Variants in UBE2Q1 observed in about 807,000 individuals in gnomAD.
UBE2Q1 encodes ubiquitin-conjugating enzyme E2 Q1.
In UBE2Q1, 6 loss-of-function variants were observed where a neutral mutation model predicts 60.1. The ratio of observed to expected loss-of-function variants is 0.10; its 90% CI spans 0.05 to 0.20. UBE2Q1 has a LOEUF of 0.20. Among genes scored for constraint, UBE2Q1 ranks in the 10% least tolerant of loss-of-function variants. UBE2Q1 has a pLI of 1.00. For missense variants in UBE2Q1, 262 were observed against 525.8 expected, an observed-to-expected ratio of 0.50 and a Z score of 4.91; for synonymous variants, 226 against 208.3, an observed-to-expected ratio of 1.09 and a Z score of -0.73.
At chr1:154,551,841 G>C (rs1355909886) in intron 9 of UBE2Q1, 22 bp from the exon 10 acceptor site, 1 of 1,614,074 alleles carries the variant, frequency 6.2e-7, no homozygotes, top group Non-Finnish European at 8.5e-7. Context: ...AGGTTAGTCA[G>C]CTGTGCCTGA....
At chr1:154,557,240 G>T (rs921933924) in intron 1 of UBE2Q1, among the ~76,000 whole-genome samples, 2 of 152,196 alleles carry the variant, frequency 1.3e-5, no homozygotes, top group African/African-American at 2.4e-5. Flanking sequence ...AGGCTACTCC[G>T]ATTAGGTCTG....
At chr1:154,551,863 A>G (rs1695795445) in intron 9 of UBE2Q1, 44 bp from the exon 10 acceptor site, 1 of 1,614,066 alleles carries the variant, frequency 6.2e-7, no homozygotes, top group African/African-American at 1.3e-5. Flanking sequence ...AAAATCTCCA[A>G]GTCTCTTCCC....
Position 154,551,482 on chromosome 1 carries a change from C to A in UBE2Q1, c.1085G>T (p.Ser362Ile). The change falls in exon 11 of 13, where the codon AGT (serine) becomes ATT (isoleucine). Residue 362 changes from serine (S) to isoleucine (I), a missense_variant. Physicochemically the swap from Ser to Ile is moderately radical, Grantham distance 142. Around this residue, in one of 5 missense-constraint regions of UBE2Q1, gnomAD observed 22 missense variants for 121.5 expected, o/e 0.18. Coordinates refer to ENST00000292211, the MANE Select transcript of UBE2Q1 (RefSeq NM_017582.7). ...MELLTKQGWSSAYSIESVIMQ... is the reference protein window; with the variant it reads ...MELLTKQGWSIAYSIESVIMQ... ...GATCACTGACTCTATGGAGTAGGCA[C>A]TGCTCCAGCCCTGGGTGAAGGGAAG... The A allele has an allele frequency of 6.2e-7, 1 of 1,614,172 alleles. No individual in the cohort carries two copies. Among genetic ancestry groups the A allele is most frequent in the Non-Finnish European group, 8.5e-7 (1 of 1,179,998 alleles).
At chr1:154,552,367 C>T (rs769040502) in intron 7 of UBE2Q1, 37 bp downstream of exon 7, 1 of 1,612,928 alleles carries the variant, frequency 6.2e-7, no homozygotes, top group Non-Finnish European at 8.5e-7. Flanking sequence ...TCACACTCCT[C>T]CTCAACTTCC....
At chr1:154,553,502 A>C in intron 4 of UBE2Q1, 1 of 216,564 alleles carries the variant, frequency 4.6e-6, no homozygotes, top group Non-Finnish European at 9.3e-6. Flanking sequence ...TTGGCAGCAG[A>C]AACTCTTCCC....
At chr1:154,553,690 C>A (rs757611365) in intron 4 of UBE2Q1, 1 of 154,818 alleles carries the variant, frequency 6.5e-6, no homozygotes, top group Non-Finnish European at 1.4e-5. Context: ...GAGGCACGCA[C>A]TGCCAGATGG....
intron 4 of UBE2Q1, 135 bp from the exon 5 acceptor site, chr1:154,553,307 T>C (rs1046575774): frequency 3.5e-6 from 4 of 1,152,562 alleles, no homozygotes; most frequent in African/African-American, 1.6e-5. Flanking sequence ...AGCAGTCTTA[T>C]AAACGCAACG....
In UBE2Q1 at chr1:154,558,353, G is replaced by A. The variant is rs775595854; in HGVS notation, c.201C>T (p.Asp67=). ...CCAGCAGGAACTCGCAGCTCAGCTC[G>A]TCCAGGCAGGCGCTGGCAATGCGGA... is the stretch of plus-strand genomic sequence containing the variant. ...ERFRIASACL[D]ELSCEFLLAG... Residue 67 remains aspartate (D), a synonymous_variant, in exon 1 of 13, where the codon GAC becomes GAT. Transcript: ENST00000292211. The A allele has an allele frequency of 5.1e-6, 8 of 1,561,268 alleles. No homozygotes were observed. The highest frequency in any genetic ancestry group is 1.4e-5 in the African/African-American group (1 of 72,772).
intron 4 of UBE2Q1, 34 bp downstream of exon 4, chr1:154,554,701 T>TTCC (rs1695851336): frequency 6.2e-7 from 1 of 1,610,588 alleles, no homozygotes; most frequent in Admixed American, 1.7e-5. Context: ...CTGCAAGAGC[T>TTCC]TCCAGCCAAT....
intron 4 of UBE2Q1, 143 bp downstream of exon 4, chr1:154,554,592 G>A: frequency 1.2e-6 from 1 of 860,274 alleles, no homozygotes; most frequent in Non-Finnish European, 1.8e-6. Flanking sequence ...TACTACACTG[G>A]CTATTCCTCC....
chr1:154,550,732 G>A (rs1362018463), intron 12 of UBE2Q1: 20 of 985,224 alleles, frequency 2.0e-5, no homozygotes, highest in Non-Finnish European at 2.4e-5. Flanking sequence ...CAAGTTTATC[G>A]GTGATACGAT....
Position 154,550,948 on chromosome 1 carries a change from G to A in UBE2Q1, c.1227C>T (p.His409=), listed in dbSNP as rs757728960. ...TGGCTCCAGCCTCACCGTTTTTTTC[G>A]TGGATCTGCACCAAGGACTTGTAGG... ...QQSYKSLVQI[H]EKNGWYTPPK... Residue 409 remains histidine, a synonymous_variant, in exon 12 of 13, where the codon CAC becomes CAT. Coordinates refer to ENST00000292211, the MANE Select transcript of UBE2Q1 (RefSeq NM_017582.7). 6 of 1,613,816 alleles carry A rather than the reference G, an allele frequency of 3.7e-6. No homozygotes were observed. The highest frequency in any genetic ancestry group is 1.7e-5 in the Admixed American group (1 of 59,986).
At chr1:154,551,558 C>T (rs2149361391) in intron 10 of UBE2Q1, 66 bp from the exon 11 acceptor site, 5 of 1,553,530 alleles carry the variant, frequency 3.2e-6, no homozygotes, top group Non-Finnish European at 4.4e-6. Context: ...TCATGCTTGT[C>T]CTCTGGGCAA....
chr1:154,557,994 G>A (rs937538111), intron 1 of UBE2Q1, among the ~76,000 whole-genome samples: 43 of 152,166 alleles, frequency 2.8e-4, no homozygotes, highest in Admixed American at 1.3e-3. Context: ...CGTGGAAACG[G>A]GTAGTCTAGG....
At chr1:154,553,348 C>T (rs1695825567) in intron 4 of UBE2Q1, among the ~76,000 whole-genome samples, 176 bp from the exon 5 acceptor site, 1 of 152,216 alleles carries the variant, frequency 6.6e-6, no homozygotes, top group Non-Finnish European at 1.5e-5. Context: ...ATTTCCAGCC[C>T]CATTCCCTCC....
At position 154,551,990 on chromosome 1, in the gene UBE2Q1, G is replaced by C; in HGVS notation, c.967-11C>G. 2 of 1,614,188 alleles carry C rather than the reference G, an allele frequency of 1.2e-6. No individual in the cohort carries two copies. Among genetic ancestry groups the C allele is most frequent in the Non-Finnish European group, 1.7e-6 (2 of 1,180,034 alleles). On this transcript the variant is annotated splice_polypyrimidine_tract_variant and intron_variant, in intron 8 of 12. Transcript: ENST00000292211. ...AAAGGGAAAGTTATCCTGAGAGAGA[G>C]AGAGACGACAATCAGGGGAGGGAGG...
chr1:154,553,325 C>A (rs2149361953), intron 4 of UBE2Q1, among the ~76,000 whole-genome samples, 153 bp from the exon 5 acceptor site: 1 of 152,340 alleles, frequency 6.6e-6, no homozygotes, highest in Middle Eastern at 3.4e-3. Flanking sequence ...ACGTGCTTTC[C>A]ATTTTTAGAA....
chr1:154,558,144 C>T (rs1384898829), intron 1 of UBE2Q1, 83 bp downstream of exon 1: 4 of 1,228,658 alleles, frequency 3.3e-6, no homozygotes, highest in Non-Finnish European at 4.4e-6. Context: ...CTCCCAGGTC[C>T]TTCGAGAGCA....
At chr1:154,554,712 G>A (rs1695851502) in intron 4 of UBE2Q1, 23 bp downstream of exon 4, 1 of 1,612,134 alleles carries the variant, frequency 6.2e-7, no homozygotes, top group Non-Finnish European at 8.5e-7. Context: ...TCCAGCCAAT[G>A]CCACCTCAGG....
Sources: gnomAD v4.1 joint callset for allele counts (sites outside exome capture counted in the v4.1 genomes callset) on GRCh38, gnomAD v4.1.1 for gene constraint, gnomAD v4.1.1 regional missense constraint, MANE v1.5 for transcripts, NCBI Gene and HGNC (gene_info 2026-07-23, HGNC 2026-07-21) for gene names.